ABCG1: variants seen among roughly 807,000 people sequenced by gnomAD.
ABCG1 encodes ATP binding cassette subfamily G member 1, also known as ATP-binding cassette sub-family G member 1.
Under a neutral mutation model 69.2 loss-of-function variants are expected in ABCG1, and 29 were observed. The observed-to-expected ratio is 0.42, with a 90% CI of 0.31 to 0.57. The LOEUF (loss-of-function observed/expected upper bound fraction) is 0.57, where lower values mean the gene tolerates loss of function less well. ABCG1 is among the 20% of genes least tolerant of loss of function. The pLI, the probability that ABCG1 is intolerant of heterozygous loss-of-function variation, is 0.15. For synonymous variants in ABCG1, 370 were observed against 374.8 expected (o/e 0.99, Z 0.15); for missense variants, 718 against 898.1 (o/e 0.80, Z 2.56).
At chr21:42,255,273 T>C (rs749493390) in intron 2 of ABCG1, among the ~76,000 whole-genome samples, 1 of 152,160 alleles carries the variant, frequency 6.6e-6, no homozygotes, top group Non-Finnish European at 1.5e-5. Context: ...GCACACAGGA[T>C]GTATGTACAT....
chr21:42,222,277 G>T (rs963700448), intron 1 of ABCG1, among the ~76,000 whole-genome samples: 2 of 152,242 alleles, frequency 1.3e-5, no homozygotes, highest in African/African-American at 4.8e-5. Flanking sequence ...TTTCCAGAGA[G>T]CTGGTCTATT....
At chr21:42,208,239 T>TG (rs1199997129) in intron 2 of ABCG1, among the ~76,000 whole-genome samples, 1 of 150,496 alleles carries the variant, frequency 6.6e-6, no homozygotes, top group Non-Finnish European at 1.5e-5. Flanking sequence ...TTTTTTTTTT[T>TG]GGTCTGTGCT....
At chr21:42,275,834 C>A (rs1301683364) in intron 4 of ABCG1, among the ~76,000 whole-genome samples, 1 of 152,238 alleles carries the variant, frequency 6.6e-6, no homozygotes, top group African/African-American at 2.4e-5. Context: ...TATTGGCCGC[C>A]CGTTGCGGAG....
At chr21:42,200,721 T>C (rs2067499935) in intron 1 of ABCG1, among the ~76,000 whole-genome samples, 1 of 151,870 alleles carries the variant, frequency 6.6e-6, no homozygotes, top group Admixed American at 6.6e-5. Flanking sequence ...CCTGAGTAGC[T>C]GGGACAACAG....
At chr21:42,243,247 G>A (rs180897103) in intron 2 of ABCG1, among the ~76,000 whole-genome samples, 5 of 152,212 alleles carry the variant, frequency 3.3e-5, no homozygotes, top group South Asian at 2.1e-4. Context: ...GGAGCCCGTC[G>A]GCCCCTCCCT....
intron 3 of ABCG1, among the ~76,000 whole-genome samples, chr21:42,272,058 C>A (rs1286277881): frequency 6.6e-6 from 1 of 152,220 alleles, no homozygotes; most frequent in African/African-American, 2.4e-5. Flanking sequence ...TATTTACTAA[C>A]TTTGGCAAAT....
chr21:42,272,971 G>A (rs1043370289), intron 3 of ABCG1, among the ~76,000 whole-genome samples: 2 of 152,210 alleles, frequency 1.3e-5, no homozygotes, highest in African/African-American at 4.8e-5. Flanking sequence ...TCCTGACCTC[G>A]CGGCTGCTTA....
chr21:42,273,193 G>A lies in ABCG1; in HGVS notation c.405-110G>A. The A allele has an allele frequency of 6.8e-7, 1 of 1,462,572 alleles. No homozygotes were observed. The highest frequency in any genetic ancestry group is 9.2e-7 in the Non-Finnish European group (1 of 1,091,168). 90.6% of individuals were successfully genotyped at this position (1,462,572 alleles called of 1,614,324 possible). ...GGTCCCCGTGGCCAGTGGTTCAGCTGGGAAGATGCTGGGAGGCAAGCCCCC... is the reference window on the plus strand; with the variant it reads ...GGTCCCCGTGGCCAGTGGTTCAGCTAGGAAGATGCTGGGAGGCAAGCCCCC... On this transcript the variant is annotated intron_variant, in intron 3 of 14. Transcript: ENST00000398449. The surrounding 1 kb of genome is among the most constrained non-coding windows in gnomAD (Gnocchi z 5.3).
At chr21:42,265,493 C>T (rs534205481) in intron 2 of ABCG1, among the ~76,000 whole-genome samples, 9 of 152,192 alleles carry the variant, frequency 5.9e-5, no homozygotes, top group South Asian at 4.1e-4. Context: ...GAGGCCCATG[C>T]GCAGACAGAG....
chr21:42,272,100 A>G (rs2068627984), intron 3 of ABCG1, among the ~76,000 whole-genome samples: 1 of 152,264 alleles, frequency 6.6e-6, no homozygotes, highest in South Asian at 2.1e-4. Flanking sequence ...ATTTACTGAA[A>G]AAATGGCAAA....
chr21:42,290,323 T>G, intron 11 of ABCG1, 105 bp downstream of exon 11: 1 of 1,311,788 alleles, frequency 7.6e-7, no homozygotes. Context: ...CTAAACACAA[T>G]GTTTTTGTTT....
At chr21:42,267,114 G>A (rs780791858) in intron 2 of ABCG1, among the ~76,000 whole-genome samples, 1 of 152,240 alleles carries the variant, frequency 6.6e-6, no homozygotes, top group Non-Finnish European at 1.5e-5. Flanking sequence ...TTGGTGCAGG[G>A]AAAGGGGGAA....
intron 2 of ABCG1, among the ~76,000 whole-genome samples, chr21:42,248,207 A>T (rs2068162055): frequency 6.6e-6 from 1 of 152,206 alleles, no homozygotes; most frequent in Non-Finnish European, 1.5e-5. Flanking sequence ...CTCCGTCGTC[A>T]TCTGATTTAT....
At chr21:42,251,516 C>G (rs555686367) in intron 2 of ABCG1, among the ~76,000 whole-genome samples, 3 of 147,074 alleles carry the variant, frequency 2.0e-5, no homozygotes, top group African/African-American at 7.5e-5. Flanking sequence ...AAAACTGGCT[C>G]GATGAGCGGG....
In ABCG1 at chr21:42,296,773, C is replaced by T. The variant is rs1396341276; in HGVS notation, c.*381C>T. 1.1e-5 allele frequency: 3 copies of T among 266,416 alleles called. No homozygotes were observed. The highest frequency in any genetic ancestry group is 2.2e-5 in the African/African-American group (1 of 46,434). 16.5% of individuals were successfully genotyped at this position (266,416 alleles called of 1,614,324 possible). On this transcript the variant is annotated 3_prime_UTR_variant, in exon 15 of 15. Coordinates refer to ENST00000398449, the MANE Select transcript of ABCG1 (RefSeq NM_016818.3). This position sits in a 1 kb window ranked among gnomAD's most constrained non-coding sequence, Gnocchi z 5.4. ...TCCTGGATGGGGAACTGCAAGCAGC[C>T]TCTCAGCTGATGGCTGCACAGTCAG...
chr21:42,285,737 T>A (rs1302345631), intron 7 of ABCG1, 143 bp from the exon 8 acceptor site: 1 of 673,938 alleles, frequency 1.5e-6, no homozygotes, highest in East Asian at 2.5e-5. Flanking sequence ...GGGGGTGATG[T>A]AAAGCTCTCA....
At chr21:42,252,096 C>A (rs2068231603) in intron 2 of ABCG1, among the ~76,000 whole-genome samples, 2 of 152,176 alleles carry the variant, frequency 1.3e-5, no homozygotes, top group African/African-American at 4.8e-5. Flanking sequence ...TTGGATGTGG[C>A]CATGCACGGG....
At chr21:42,262,134 C>T (rs225383) in intron 2 of ABCG1, among the ~76,000 whole-genome samples, 68,391 of 151,744 alleles carry the variant, frequency 0.45, 15,665 homozygotes, top group Middle Eastern at 0.59. Flanking sequence ...GGTTGCTGGG[C>T]AGGTAGTAGG....
chr21:42,284,426 TG>T, intron 6 of ABCG1, 133 bp from the exon 7 acceptor site: 1 of 1,110,570 alleles, frequency 9.0e-7, no homozygotes, highest in Non-Finnish European at 1.3e-6. Context: ...GAGCCCGGCC[TG>T]GGACGGGGCA....
Sources: allele counts gnomAD v4.1 joint callset (sites outside exome capture counted in the v4.1 genomes callset), GRCh38; gene constraint gnomAD v4.1.1; non-coding constraint Gnocchi (gnomAD v3.1); transcripts MANE v1.5; gene names NCBI Gene and HGNC (gene_info 2026-07-23, HGNC 2026-07-21).